AGAP1: variants seen among roughly 807,000 people sequenced by gnomAD.
The protein encoded by AGAP1 is ArfGAP with GTPase domain, ankyrin repeat and PH domain 1, also known as arf-GAP with GTPase, ANK repeat and PH domain-containing protein 1.
AGAP1 carries 29 observed loss-of-function variants against 105.3 expected under a neutral mutation model. That is an observed-to-expected ratio of 0.28 (90% CI 0.21 to 0.38). The LOEUF is 0.38. Among genes scored for constraint, AGAP1 ranks in the 10% least tolerant of loss-of-function variants. The probability of loss-of-function intolerance (pLI) is 1.00; values close to 1 mark genes in which losing one functional copy is unlikely to be tolerated. For synonymous variants in AGAP1, 509 were observed against 485.9 expected, an observed-to-expected ratio of 1.05 and a Z score of -0.63; for missense variants, 998 against 1,165.1, an observed-to-expected ratio of 0.86 and a Z score of 2.09.
chr2:236,004,983 C>G (rs899236138), intron 13 of AGAP1, among the ~76,000 whole-genome samples: 3 of 152,114 alleles, frequency 2.0e-5, no homozygotes, highest in Non-Finnish European at 4.4e-5. Context: ...AAATAATATT[C>G]CTGTTCAAGA....
chr2:235,899,193 A>G (rs1367006128), intron 10 of AGAP1, among the ~76,000 whole-genome samples: 1 of 152,200 alleles, frequency 6.6e-6, no homozygotes, highest in Non-Finnish European at 1.5e-5. Flanking sequence ...CTCAGAGGAC[A>G]GATGTATATG....
intron 1 of AGAP1, among the ~76,000 whole-genome samples, chr2:235,518,569 C>T (rs1175186006): frequency 1.3e-5 from 2 of 152,164 alleles, no homozygotes; most frequent in Non-Finnish European, 2.9e-5. Flanking sequence ...TGTTTCCCAC[C>T]GTCAGCCTTG....
At chr2:235,676,846 C>T (rs1948765992) in intron 1 of AGAP1, among the ~76,000 whole-genome samples, 1 of 152,110 alleles carries the variant, frequency 6.6e-6, no homozygotes, top group Non-Finnish European at 1.5e-5. Flanking sequence ...TGAGGGTAGT[C>T]TCATGATGAG....
intron 16 of AGAP1, among the ~76,000 whole-genome samples, chr2:236,099,335 G>A (rs545799495): frequency 4.0e-5 from 6 of 151,820 alleles, no homozygotes; most frequent in South Asian, 2.1e-4. Flanking sequence ...AGCGCCTGTA[G>A]TCCCAGCTGC....
At chr2:235,709,793 C>T (rs367972834) in intron 2 of AGAP1, among the ~76,000 whole-genome samples, 4 of 152,284 alleles carry the variant, frequency 2.6e-5, no homozygotes, top group East Asian at 1.9e-4. Context: ...CAAATTGGCA[C>T]GTGTAAAAAG....
Position 236,055,349 on chromosome 2 carries a change from A to T in AGAP1, c.2114+6068A>T, listed in dbSNP as rs1177148263. On this transcript the variant is annotated intron_variant, in intron 16 of 17. Transcript: ENST00000304032. This position sits in a 1 kb window ranked among gnomAD's most constrained non-coding sequence, Gnocchi z 6.2. ...GTGTGGCTTTATGTGCCTTGTTTTC[A>T]TGTGTTTCTTTCAGTGCTCTCAGGG... Among the ~76,000 whole-genome samples the T allele has an allele frequency of 1.3e-5, 2 of 152,102 alleles. No homozygotes were observed. Among genetic ancestry groups the T allele is most frequent in the African/African-American group, 2.4e-5 (1 of 41,420 alleles).
rs35429287 is a variant in AGAP1, at chr2:235,782,256, A to AT, written c.674-15491dup. Among the ~76,000 whole-genome samples the AT allele has an allele frequency of 1.5e-3, 230 of 148,474 alleles. 2 individuals are homozygous for AT. Among genetic ancestry groups the AT allele is most frequent in the Middle Eastern group, 0.01 (3 of 286 alleles). ...CTATATAGTATTTACACTCCTGCCC[A>AT]TTTTTTTTTTTTGTATTTTTTCCAT... On this transcript the variant is annotated intron_variant, in intron 6 of 17. Transcript: ENST00000304032.
Position 236,083,532 on chromosome 2 carries a change from C to G in AGAP1, c.2114+34251C>G, listed in dbSNP as rs2058843191. 6.6e-6 allele frequency among the ~76,000 whole-genome samples: 1 copy of G among 152,208 alleles called. No individual in the cohort carries two copies. Among genetic ancestry groups the G allele is most frequent in the African/African-American group, 2.4e-5 (1 of 41,450 alleles). Reference sequence around the variant, plus strand: ...TATTTTCCAGCAGTTACCAGCTTAACTAAGACATTGTCACTGGAATTCCGT... The same window carrying G: ...TATTTTCCAGCAGTTACCAGCTTAAGTAAGACATTGTCACTGGAATTCCGT... On this transcript the variant is annotated intron_variant, in intron 16 of 17. Transcript: ENST00000304032. This position sits in a 1 kb window ranked among gnomAD's most constrained non-coding sequence, Gnocchi z 5.3.
At chr2:235,826,618 T>A (rs910043374) in intron 9 of AGAP1, among the ~76,000 whole-genome samples, 1 of 152,028 alleles carries the variant, frequency 6.6e-6, no homozygotes, top group African/African-American at 2.4e-5. Flanking sequence ...CCCAGCTAAT[T>A]TTTGTATTTT....
At chr2:235,791,130 A>G (rs1387738786) in intron 6 of AGAP1, among the ~76,000 whole-genome samples, 1 of 152,224 alleles carries the variant, frequency 6.6e-6, no homozygotes, top group Non-Finnish European at 1.5e-5. Context: ...TATAGAGTAC[A>G]CCTTCTTTAA....
In AGAP1 at chr2:235,971,703, A is replaced by G. The variant is rs945098293; in HGVS notation, c.1645+3080A>G. Among the ~76,000 whole-genome samples, 1 of 151,580 alleles carries G rather than the reference A, an allele frequency of 6.6e-6. No individual in the cohort carries two copies. Among genetic ancestry groups the G allele is most frequent in the Non-Finnish European group, 1.5e-5 (1 of 67,926 alleles). On this transcript the variant is annotated intron_variant, in intron 13 of 17. Coordinates refer to ENST00000304032, the MANE Select transcript of AGAP1 (RefSeq NM_001037131.3). The surrounding 1 kb of genome is among the most constrained non-coding windows in gnomAD (Gnocchi z 4.8). ...AGACTCCGTCTCAAAAAAAAAAAAA[A>G]TCTGTTCTTGAAACTAAAGCTAGTT...
At position 235,574,061 on chromosome 2, in the gene AGAP1, TG is replaced by T. The variant is rs1944658103; in HGVS notation, c.163+79215del. Among the ~76,000 whole-genome samples the T allele has an allele frequency of 6.6e-6, 1 of 152,230 alleles. No homozygotes were observed. Among genetic ancestry groups the T allele is most frequent in the South Asian group, 2.1e-4 (1 of 4,826 alleles). On this transcript the variant is annotated intron_variant, in intron 1 of 17. Coordinates refer to ENST00000304032, the MANE Select transcript of AGAP1 (RefSeq NM_001037131.3). The surrounding 1 kb of genome is among the most constrained non-coding windows in gnomAD (Gnocchi z 5.0). ...GTTAGCTGGTCAGGGAGGCAGGGCC[TG>T]GGTGCCTTGGGGCCTGTCCTATCTG...
chr2:235,728,126 G>A lies in AGAP1; in HGVS notation c.310+10482G>A, dbSNP rs1951742195. ...CATGGCAAATTCCAAGGGCCAGGAC[G>A]ATGGAGACAAGGGAAGTAGAAGTTG... On this transcript the variant is annotated intron_variant, in intron 3 of 17. Transcript: ENST00000304032. The surrounding 1 kb of genome is among the most constrained non-coding windows in gnomAD (Gnocchi z 4.3). Among the ~76,000 whole-genome samples the A allele has an allele frequency of 1.3e-5, 2 of 152,188 alleles. No homozygotes were observed. The highest frequency in any genetic ancestry group is 2.4e-5 in the African/African-American group (1 of 41,452).
chr2:235,661,931 T>A (rs559616970), intron 1 of AGAP1, among the ~76,000 whole-genome samples: 1 of 152,134 alleles, frequency 6.6e-6, no homozygotes, highest in East Asian at 1.9e-4. Flanking sequence ...TCCCTACAGC[T>A]GGAGGGGAAG....
chr2:235,644,330 A>C (rs917808819), intron 1 of AGAP1, among the ~76,000 whole-genome samples: 2 of 152,218 alleles, frequency 1.3e-5, no homozygotes, highest in Admixed American at 1.3e-4. Flanking sequence ...TGTCCCGTTC[A>C]CTGTCATGTG....
intron 9 of AGAP1, among the ~76,000 whole-genome samples, chr2:235,846,207 A>G (rs1961474360): frequency 6.6e-6 from 1 of 152,198 alleles, no homozygotes; most frequent in South Asian, 2.1e-4. Flanking sequence ...GTTACAGAAG[A>G]TTTTAAAGAA....
At position 236,089,012 on chromosome 2, in the gene AGAP1, T is replaced by C. The variant is rs768249319; in HGVS notation, c.2115-31180T>C. Among the ~76,000 whole-genome samples, 18 of 152,194 alleles carry C rather than the reference T, an allele frequency of 1.2e-4. No homozygotes were observed. Among genetic ancestry groups the C allele is most frequent in the Admixed American group, 2.0e-4 (3 of 15,284 alleles). ...AGAGAAAGAACTGGTTTGTATAATA[T>C]GTTTCAAAGTACAGAAGGTAGAAGG... is the stretch of plus-strand genomic sequence containing the variant. On this transcript the variant is annotated intron_variant, in intron 16 of 17. Coordinates refer to ENST00000304032, the MANE Select transcript of AGAP1 (RefSeq NM_001037131.3). This position sits in a 1 kb window ranked among gnomAD's most constrained non-coding sequence, Gnocchi z 5.6.
chr2:236,098,611 CTTTTTTTCCTTTTTTTTTTTTT>C (rs1184414969), intron 16 of AGAP1, among the ~76,000 whole-genome samples: 33 of 80,680 alleles, frequency 4.1e-4, no homozygotes, highest in African/African-American at 1.8e-3. Flanking sequence ...TTGATGAAAT[CTTTTTTTCCTTTTTTTTTTTTT>C]TTTTTTAGAG....
chr2:235,831,352 G>T (rs1265840573), intron 9 of AGAP1, among the ~76,000 whole-genome samples: 9 of 152,084 alleles, frequency 5.9e-5, no homozygotes, highest in African/African-American at 2.2e-4. Context: ...TGTACTTTAG[G>T]GTTCACTGTT....
Sources: allele counts gnomAD v4.1 joint callset (sites outside exome capture counted in the v4.1 genomes callset), GRCh38; gene constraint gnomAD v4.1.1; non-coding constraint Gnocchi (gnomAD v3.1); transcripts MANE v1.5; gene names NCBI Gene and HGNC (gene_info 2026-07-23, HGNC 2026-07-21).